The following NEDD4L variants were observed in gnomAD, a reference collection of about 807,000 sequenced individuals.
NEDD4L encodes E3 ubiquitin-protein ligase NEDD4-like.
A neutral mutation model predicts 148.9 loss-of-function variants in NEDD4L; 54 were observed. That is an observed-to-expected ratio of 0.36 (90% CI 0.29 to 0.45). The LOEUF is 0.45. NEDD4L is among the 20% of genes least tolerant of loss of function. The pLI, the probability that NEDD4L is intolerant of heterozygous loss-of-function variation, is 1.00. For synonymous variants in NEDD4L, 433 were observed against 440.7 expected (o/e 0.98, Z 0.22); for missense variants, 856 against 1,233.8 (o/e 0.69, Z 4.59).
At chr18:58,388,317 G>A (rs1410833206) in intron 27 of NEDD4L, 1 of 152,226 alleles carries the variant, frequency 6.6e-6, no homozygotes, top group African/African-American at 2.4e-5. Context: ...GATCGATGAT[G>A]TCTATAGAAA....
chr18:58,102,551 C>T (rs945938663), intron 1 of NEDD4L, among the ~76,000 whole-genome samples: 1 of 152,156 alleles, frequency 6.6e-6, no homozygotes, highest in Non-Finnish European at 1.5e-5. Context: ...AGTTAACCCC[C>T]ACCCCCATCT....
At chr18:58,054,315 T>G (rs2082003761) in intron 1 of NEDD4L, among the ~76,000 whole-genome samples, 1 of 152,240 alleles carries the variant, frequency 6.6e-6, no homozygotes, top group African/African-American at 2.4e-5. Flanking sequence ...TTCTGCTTTC[T>G]TTGCTAGTCT....
chr18:58,160,773 C>G (rs958168616), intron 1 of NEDD4L, among the ~76,000 whole-genome samples: 3 of 152,254 alleles, frequency 2.0e-5, no homozygotes, highest in Middle Eastern at 6.8e-3. Context: ...TTTGAGGAAA[C>G]AAAGATAAGA....
intron 1 of NEDD4L, among the ~76,000 whole-genome samples, chr18:58,151,527 A>G (rs1348904024): frequency 2.0e-5 from 3 of 152,196 alleles, no homozygotes; most frequent in Admixed American, 6.5e-5. Context: ...CTTGAGAAAG[A>G]TGAAAGTGAG....
In NEDD4L at chr18:58,179,648, A is replaced by G. The variant is rs774865198; in HGVS notation, c.122+13787A>G. Reference sequence around the variant, plus strand: ...ACCAGCATTAGATTCTCATAGGACCATGAACCCTATTGTGGAACTTTGCAT... The same window carrying G: ...ACCAGCATTAGATTCTCATAGGACCGTGAACCCTATTGTGGAACTTTGCAT... On this transcript the variant is annotated intron_variant, in intron 2 of 30. Transcript: ENST00000400345. Among the ~76,000 whole-genome samples, 12 of 152,046 alleles carry G rather than the reference A, an allele frequency of 7.9e-5. No homozygotes were observed. In the South Asian group the frequency reaches 1.7e-3, roughly 21 times the overall value.
At chr18:58,337,288 A>T (rs955926518) in intron 13 of NEDD4L, among the ~76,000 whole-genome samples, 20 of 152,078 alleles carry the variant, frequency 1.3e-4, no homozygotes, top group African/African-American at 4.8e-4. Context: ...AGATCTCCCT[A>T]CCTACTTAGG....
chr18:58,322,074 C>T (rs942621106), intron 6 of NEDD4L, among the ~76,000 whole-genome samples: 2 of 152,204 alleles, frequency 1.3e-5, no homozygotes, highest in African/African-American at 4.8e-5. Context: ...ATATGTGTCT[C>T]GAGTCACAGG....
intron 2 of NEDD4L, among the ~76,000 whole-genome samples, chr18:58,202,631 C>T (rs2041543736): frequency 6.6e-6 from 1 of 152,254 alleles, no homozygotes; most frequent in South Asian, 2.1e-4. Flanking sequence ...CCTGCCTGTC[C>T]TGTTCACACC....
chr18:58,335,680 C>A, intron 13 of NEDD4L, 143 bp downstream of exon 13: 2 of 675,000 alleles, frequency 3.0e-6, no homozygotes, highest in South Asian at 1.7e-5. Context: ...TTATTTTAAG[C>A]TTCTCATTTG....
At chr18:58,178,982 TTTTG>T (rs1241320216) in intron 2 of NEDD4L, among the ~76,000 whole-genome samples, 1 of 151,812 alleles carries the variant, frequency 6.6e-6, no homozygotes, top group Non-Finnish European at 1.5e-5. Context: ...TTTATCGCAG[TTTTG>T]TTTTTTTTCC....
chr18:58,110,546 G>C (rs1452457401), intron 1 of NEDD4L, among the ~76,000 whole-genome samples: 1 of 152,186 alleles, frequency 6.6e-6, no homozygotes, highest in African/African-American at 2.4e-5. Context: ...CATTATCTCA[G>C]CTGTGGTGCT....
intron 1 of NEDD4L, among the ~76,000 whole-genome samples, chr18:58,063,949 CTTTTTTTTTTTTTTT>C (rs58608106): frequency 0.062 from 8,016 of 129,014 alleles, 215 homozygotes; most frequent in African/African-American, 0.11. Flanking sequence ...TATAATGTTT[CTTTTTTTTTTTTTTT>C]TTTTTTTTTT....
intron 1 of NEDD4L, among the ~76,000 whole-genome samples, chr18:58,079,816 T>C (rs538158622): frequency 6.6e-6 from 1 of 152,282 alleles, no homozygotes; most frequent in Non-Finnish European, 1.5e-5. Context: ...ACGGAATGTG[T>C]CATTGGAGAG....
At chr18:58,306,011 G>A (rs1340717638) in intron 5 of NEDD4L, among the ~76,000 whole-genome samples, 1 of 152,178 alleles carries the variant, frequency 6.6e-6, no homozygotes, top group African/African-American at 2.4e-5. Flanking sequence ...AGTGGACCAT[G>A]GTGTATGATT....
At chr18:58,072,510 A>C (rs1224067695) in intron 1 of NEDD4L, among the ~76,000 whole-genome samples, 4 of 152,234 alleles carry the variant, frequency 2.6e-5, no homozygotes, top group Non-Finnish European at 5.9e-5. Flanking sequence ...ATGCAGGAAA[A>C]TCATTTGATA....
intron 18 of NEDD4L, 43 bp downstream of exon 18, chr18:58,351,088 A>G (rs777421559): frequency 1.9e-5 from 29 of 1,559,516 alleles, no homozygotes; most frequent in Non-Finnish European, 2.5e-5. Flanking sequence ...TGTGGGTTAG[A>G]GGGAAGGAGT....
chr18:58,214,802 T>TCTTTCTTTCTTTC (rs765186331), intron 2 of NEDD4L, among the ~76,000 whole-genome samples: 2 of 62,548 alleles, frequency 3.2e-5, no homozygotes, highest in East Asian at 3.1e-4. Context: ...TTTCTTTCAT[T>TCTTTCTTTCTTTC]TTTTTTTTTT....
At chr18:58,365,911 A>G (rs1451779044) in intron 20 of NEDD4L, 88 bp from the exon 21 acceptor site, 3 of 928,936 alleles carry the variant, frequency 3.2e-6, no homozygotes, top group African/African-American at 3.3e-5. Flanking sequence ...AGGACTGCCA[A>G]CTTTTCTACC....
At chr18:58,344,250 C>T (rs2042781414) in intron 16 of NEDD4L, among the ~76,000 whole-genome samples, 1 of 152,154 alleles carries the variant, frequency 6.6e-6, no homozygotes, top group South Asian at 2.1e-4. Flanking sequence ...ATGCCTTGCC[C>T]ATTGTGTGGT....
Sources: allele counts gnomAD v4.1 joint callset (sites outside exome capture counted in the v4.1 genomes callset), GRCh38; gene constraint gnomAD v4.1.1; transcripts MANE v1.5; gene names NCBI Gene and HGNC (gene_info 2026-07-23, HGNC 2026-07-21).